GIMD1: variants seen among roughly 807,000 people sequenced by gnomAD.
The protein encoded by GIMD1 is GTPase IMAP family member GIMD1.
A neutral mutation model predicts 14.9 loss-of-function variants in GIMD1; 14 were observed. That is an observed-to-expected ratio of 0.94 (90% CI 0.62 to 1.47). The LOEUF (loss-of-function observed/expected upper bound fraction) is 1.47. Ranked by LOEUF, GIMD1 falls within the 40% of genes most tolerant of loss-of-function variation. The probability of loss-of-function intolerance (pLI) is 0.00; values close to 1 mark genes in which losing one functional copy is unlikely to be tolerated. For missense variants in GIMD1, 272 were observed against 255.3 expected, an observed-to-expected ratio of 1.07 and a Z score of -0.44; for synonymous variants, 91 against 90.5, an observed-to-expected ratio of 1.01 and a Z score of -0.03.
intron 2 of GIMD1, among the ~76,000 whole-genome samples, chr4:106,362,845 T>C (rs1054495833): frequency 6.6e-6 from 1 of 152,048 alleles, no homozygotes; most frequent in Non-Finnish European, 1.5e-5. Flanking sequence ...CCAGAGAATA[T>C]TCAACCTCAG....
At chr4:106,366,997 T>G in intron 2 of GIMD1, 46 bp downstream of exon 2, 1 of 962,848 alleles carries the variant, frequency 1.0e-6, no homozygotes, top group Non-Finnish European at 1.4e-6. Flanking sequence ...GATAATGTCC[T>G]CCAAGAAGTA....
At position 106,367,425 on chromosome 4, in the gene GIMD1, G is replaced by A. The variant is rs954954323; in HGVS notation, c.11C>T (p.Pro4Leu). The A allele has an allele frequency of 1.2e-5, 18 of 1,532,128 alleles. No homozygotes were observed. The highest frequency in any genetic ancestry group is 9.6e-5 in the African/African-American group (7 of 73,000). The allele number at this position is 1,532,128 out of a possible 1,614,324, so 94.9% of individuals were successfully genotyped here. The change falls in exon 2 of 3, where the codon CCC becomes CTC. Residue 4 changes from proline (P) to leucine (L), a missense_variant. Coordinates refer to ENST00000638719, the MANE Select transcript of GIMD1 (RefSeq NM_001195138.2). ...GGCCAAGTTGATGATCATCTTGTTG[G>A]GGTCTGTCATGGCTGTAGGAAAACA... MTD[P>L]NKMIINLALF...
At chr4:106,361,990 C>T (rs371667171) in intron 2 of GIMD1, among the ~76,000 whole-genome samples, 3 of 152,024 alleles carry the variant, frequency 2.0e-5, no homozygotes, top group African/African-American at 7.2e-5. Flanking sequence ...TGTATTGTAA[C>T]ATTAACATGT....
chr4:106,366,708 A>T (rs1770703958), intron 2 of GIMD1, among the ~76,000 whole-genome samples: 1 of 152,112 alleles, frequency 6.6e-6, no homozygotes, highest in South Asian at 2.1e-4. Context: ...CAGGGACAAC[A>T]TGTTACAAAC....
At chr4:106,361,859 T>C (rs1248660051) in intron 2 of GIMD1, among the ~76,000 whole-genome samples, 1 of 152,180 alleles carries the variant, frequency 6.6e-6, no homozygotes, top group East Asian at 1.9e-4. Context: ...AATAAACTAT[T>C]TGGCACAAAC....
At position 106,357,986 on chromosome 4, in the gene GIMD1, T is replaced by A; in HGVS notation, c.*197A>T. 2 of 481,976 alleles carry A rather than the reference T, an allele frequency of 4.1e-6. No homozygotes were observed. Among genetic ancestry groups the A allele is most frequent in the Non-Finnish European group, 7.4e-6 (2 of 271,972 alleles). 29.9% of individuals were successfully genotyped at this position (481,976 alleles called of 1,614,324 possible). The stretch of plus-strand genomic sequence containing the variant: ...TACACTTAGGAGTGTAATTGCTATG[T>A]CATGGGATTTGCATTAGAAATCTTG... On this transcript the variant is annotated 3_prime_UTR_variant, in exon 3 of 3. Coordinates refer to ENST00000638719, the MANE Select transcript of GIMD1 (RefSeq NM_001195138.2).
At chr4:106,366,874 C>T (rs1770707371) in intron 2 of GIMD1, among the ~76,000 whole-genome samples, 169 bp downstream of exon 2, 1 of 150,476 alleles carries the variant, frequency 6.6e-6, no homozygotes, top group Non-Finnish European at 1.5e-5. Flanking sequence ...ATAATTTTTA[C>T]TGACAATTCC....
At chr4:106,359,270 T>C (rs1410007770) in intron 2 of GIMD1, among the ~76,000 whole-genome samples, 1 of 151,940 alleles carries the variant, frequency 6.6e-6, no homozygotes, top group African/African-American at 2.4e-5. Flanking sequence ...GAAATCACAA[T>C]GTGACAACAA....
At chr4:106,366,353 C>T (rs1017129493) in intron 2 of GIMD1, among the ~76,000 whole-genome samples, 3 of 152,040 alleles carry the variant, frequency 2.0e-5, no homozygotes, top group Non-Finnish European at 4.4e-5. Flanking sequence ...TTCTGGTTTG[C>T]TTATCTAATT....
chr4:106,360,599 G>A (rs762914779), intron 2 of GIMD1, among the ~76,000 whole-genome samples: 2 of 152,058 alleles, frequency 1.3e-5, no homozygotes, highest in Admixed American at 6.6e-5. Flanking sequence ...TTGAAATTCC[G>A]ATCCCCAGTT....
chr4:106,367,117 G>A lies in GIMD1; in HGVS notation c.319C>T (p.Leu107Phe). ...AHHFGQGGLH[L>F]ALLVQRADVP... ...TCTGCTCTCTGAACCAGGAGTGCAA[G>A]GTGGAGACCCCCTTGCCCGAAGTGA... Residue 107 changes from leucine to phenylalanine, a missense_variant, in exon 2 of 3, where the codon CTT (leucine) becomes TTT (phenylalanine). By Grantham distance (22) the Leu-to-Phe change is conservative. Transcript: ENST00000638719. The A allele has an allele frequency of 6.5e-7, 1 of 1,535,474 alleles. No individual in the cohort carries two copies. The highest frequency in any genetic ancestry group is 8.7e-7 in the Non-Finnish European group (1 of 1,146,484).
chr4:106,368,283 C>T (rs920476997), intron 1 of GIMD1, among the ~76,000 whole-genome samples: 4 of 152,052 alleles, frequency 2.6e-5, no homozygotes, highest in African/African-American at 9.7e-5. Flanking sequence ...CTGCATGATC[C>T]CCCATAGCAT....
At chr4:106,361,346 T>C (rs1770610279) in intron 2 of GIMD1, among the ~76,000 whole-genome samples, 1 of 152,040 alleles carries the variant, frequency 6.6e-6, no homozygotes, top group Non-Finnish European at 1.5e-5. Context: ...ATTATAAAGG[T>C]GATCATTTTG....
intron 2 of GIMD1, among the ~76,000 whole-genome samples, chr4:106,366,792 CT>C (rs1462782376): frequency 6.6e-6 from 1 of 151,374 alleles, no homozygotes; most frequent in African/African-American, 2.4e-5. Context: ...TTTTTTTTTC[CT>C]ACAAACCAGT....
intron 1 of GIMD1, among the ~76,000 whole-genome samples, chr4:106,368,178 G>A (rs929325425): frequency 3.3e-5 from 5 of 152,068 alleles, no homozygotes; most frequent in African/African-American, 1.2e-4. Context: ...AGAAAGTAAA[G>A]CCTAACATAT....
In GIMD1 at chr4:106,358,321, C is replaced by T. The variant is rs564731744; in HGVS notation, c.516G>A (p.Thr172=). ...YLHEASDTLK[T]LLNSIQHKYV... ...ATTTGTGCTGAATAGAATTTAGCAG[C>T]GTTTTCAGGGTATCAGAGGCCTCAT... Residue 172 remains threonine, a synonymous_variant, in exon 3 of 3, where the codon ACG becomes ACA. Transcript: ENST00000638719. 344 of 1,533,792 alleles carry T rather than the reference C, an allele frequency of 2.2e-4. 1 individual carries two copies. The highest frequency in any genetic ancestry group is 2.9e-4 in the Non-Finnish European group (329 of 1,145,550).
At position 106,366,917 on chromosome 4, in the gene GIMD1, A is replaced by G. The variant is rs116113179; in HGVS notation, c.393+126T>C. The G allele has an allele frequency of 2.2e-3, 666 of 303,870 alleles. 4 individuals are homozygous for G. Among genetic ancestry groups the G allele is most frequent in the African/African-American group, 0.014 (620 of 44,936 alleles). 18.8% of individuals were successfully genotyped at this position (303,870 alleles called of 1,614,324 possible). Reference sequence around the variant, plus strand: ...CCAACACTTAGTTGTATAAATTATTATGTACTATATTATTATATACTAATA... The same window carrying G: ...CCAACACTTAGTTGTATAAATTATTGTGTACTATATTATTATATACTAATA... On this transcript the variant is annotated intron_variant, in intron 2 of 2. Transcript: ENST00000638719.
chr4:106,359,778 A>C (rs1425374929), intron 2 of GIMD1, among the ~76,000 whole-genome samples: 4 of 151,676 alleles, frequency 2.6e-5, no homozygotes, highest in Non-Finnish European at 5.9e-5. Context: ...GGCAAGCAGG[A>C]GTAAGGAAAG....
rs527609315 is a variant in GIMD1, at chr4:106,362,235, T to G, written c.394-3792A>C. On this transcript the variant is annotated intron_variant, in intron 2 of 2. Transcript: ENST00000638719. ...GCCAAAAACAGAAGAGAGTGGTTGATTTAGCTTAAAATCTTTAAGTCGATT... is the reference window on the plus strand; with the variant it reads ...GCCAAAAACAGAAGAGAGTGGTTGAGTTAGCTTAAAATCTTTAAGTCGATT... Among the ~76,000 whole-genome samples, 3 of 152,226 alleles carry G rather than the reference T, an allele frequency of 2.0e-5. 1 individual carries two copies. The South Asian group carries it at 6.2e-4, about 32-fold the overall frequency.
Sources: allele counts gnomAD v4.1 joint callset (sites outside exome capture counted in the v4.1 genomes callset), GRCh38; gene constraint gnomAD v4.1.1; transcripts MANE v1.5; gene names NCBI Gene and HGNC (gene_info 2026-07-23, HGNC 2026-07-21).